The following NRG1 variants were observed in gnomAD, a reference collection of about 807,000 sequenced individuals.
NRG1 encodes pro-neuregulin-1, membrane-bound isoform.
NRG1 carries 18 observed loss-of-function variants against 63.8 expected under a neutral mutation model. The observed-to-expected ratio is 0.28, with a 90% CI of 0.19 to 0.42. NRG1 has a LOEUF of 0.42. Ranked by LOEUF, NRG1 falls within the 10% of genes least tolerant of loss-of-function variation. The pLI is 1.00. For synonymous variants in NRG1, 302 were observed against 301.3 expected (o/e 1.00, Z -0.02); for missense variants, 762 against 814.7 (o/e 0.94, Z 0.79).
chr8:32,725,818 T>G (rs773795844), intron 5 of NRG1, among the ~76,000 whole-genome samples: 18 of 152,056 alleles, frequency 1.2e-4, no homozygotes, highest in Admixed American at 2.0e-4. Context: ...ATGAAAATAT[T>G]AATACATAGC....
intron 1 of NRG1, among the ~76,000 whole-genome samples, chr8:32,446,843 G>A (rs1820308415): frequency 6.6e-6 from 1 of 152,002 alleles, no homozygotes; most frequent in Admixed American, 6.6e-5. Context: ...TCCATGCAAA[G>A]CTTCTCCACA....
chr8:32,616,397 A>G (rs1481560788), intron 4 of NRG1, among the ~76,000 whole-genome samples: 1 of 151,994 alleles, frequency 6.6e-6, no homozygotes, highest in African/African-American at 2.4e-5. Flanking sequence ...AATACTCTCA[A>G]TCTTGTTTGT....
At chr8:32,378,772 C>T in intron 1 of NRG1, among the ~76,000 whole-genome samples, 1 of 145,860 alleles carries the variant, frequency 6.9e-6, no homozygotes, top group Non-Finnish European at 1.5e-5. Flanking sequence ...CTCCCCCGTC[C>T]CCCAACCCCA....
chr8:32,717,963 G>T (rs961280373), intron 5 of NRG1, among the ~76,000 whole-genome samples: 24 of 152,296 alleles, frequency 1.6e-4, no homozygotes, highest in East Asian at 5.8e-4. Flanking sequence ...ATTTCCTGGA[G>T]TGAAGATGCT....
rs71208175 is a variant in NRG1, at chr8:32,366,677, GTATATATATATA to G, written c.38-229125_38-229114del. 7.6e-3 allele frequency among the ~76,000 whole-genome samples: 663 copies of G among 87,462 alleles called. 13 individuals are homozygous for G. The highest frequency in any genetic ancestry group is 0.016 in the African/African-American group (354 of 21,594). 57.4% of individuals were successfully genotyped at this position (87,462 alleles called of 152,430 possible). ...ATTGTGTGTGTGTGTGTGTGTGTGT[GTATATATATATA>G]TATATATATATATATATATATATAT... On this transcript the variant is annotated intron_variant, in intron 1 of 10. Transcript: ENST00000519301.
At chr8:32,267,314 C>T (rs757541492) in intron 1 of NRG1, among the ~76,000 whole-genome samples, 64 of 152,226 alleles carry the variant, frequency 4.2e-4, no homozygotes, top group Non-Finnish European at 9.3e-4. Flanking sequence ...TAATGTAGTG[C>T]GAGCAAGGCC....
chr8:31,644,099 G>T (rs542622585), intron 1 of NRG1, among the ~76,000 whole-genome samples: 1 of 152,072 alleles, frequency 6.6e-6, no homozygotes, highest in East Asian at 1.9e-4. Context: ...GAAAATGAAA[G>T]AAAATGCTGC....
chr8:31,909,003 A>G (rs1832735766), intron 1 of NRG1, among the ~76,000 whole-genome samples: 1 of 152,150 alleles, frequency 6.6e-6, no homozygotes, highest in South Asian at 2.1e-4. Flanking sequence ...GCCTAGTAGA[A>G]ACAATAAACA....
intron 1 of NRG1, among the ~76,000 whole-genome samples, chr8:32,215,011 AG>A (rs1244583225): frequency 6.6e-6 from 1 of 152,234 alleles, no homozygotes; most frequent in African/African-American, 2.4e-5. Context: ...CCCTTAGGAC[AG>A]GGTTGCCTGA....
chr8:32,036,307 C>T (rs572148034), intron 1 of NRG1, among the ~76,000 whole-genome samples: 1 of 150,750 alleles, frequency 6.6e-6, no homozygotes, highest in African/African-American at 2.4e-5. Flanking sequence ...TGCTGTTAGT[C>T]TGATGGGCTT....
At position 32,743,982 on chromosome 8, in the gene NRG1, A is replaced by G. The variant is rs565171245; in HGVS notation, c.691+1249A>G. On this transcript the variant is annotated intron_variant, in intron 7 of 11. Coordinates refer to ENST00000356819, the Ensembl canonical transcript of NRG1. ...CATGGGTGTGTTCCATTAAATCTTT[A>G]TTTACAAAAGCAGACAGTGGGCTGG... 5.9e-5 allele frequency among the ~76,000 whole-genome samples: 9 copies of G among 152,160 alleles called. No homozygotes were observed. In the East Asian group the frequency reaches 1.7e-3, roughly 30 times the overall value.
chr8:31,749,428 G>A (rs1586131641), intron 1 of NRG1, among the ~76,000 whole-genome samples: 1 of 151,730 alleles, frequency 6.6e-6, no homozygotes, highest in South Asian at 2.1e-4. Flanking sequence ...TAATTAGTAG[G>A]ATTCTAAGCA....
intron 5 of NRG1, among the ~76,000 whole-genome samples, chr8:32,630,546 G>A (rs1850081398): frequency 6.6e-6 from 1 of 152,184 alleles, no homozygotes; most frequent in Non-Finnish European, 1.5e-5. Context: ...CATGTGATAT[G>A]TAGCCTCAGC....
intron 1 of NRG1, among the ~76,000 whole-genome samples, chr8:32,134,985 C>A (rs1835322304): frequency 6.6e-6 from 1 of 152,146 alleles, no homozygotes; most frequent in African/African-American, 2.4e-5. Context: ...AAAGTGAGAT[C>A]TGAATGACAG....
At chr8:32,563,494 T>C (rs1213403545) in intron 1 of NRG1, among the ~76,000 whole-genome samples, 4 of 152,200 alleles carry the variant, frequency 2.6e-5, no homozygotes, top group Non-Finnish European at 4.4e-5. Context: ...CAGAAGCCTT[T>C]TATTAAATTC....
exon 1 of NRG1, chr8:32,548,713 C>T (rs1833449112): frequency 6.4e-7 from 1 of 1,569,536 alleles, no homozygotes; most frequent in Admixed American, 1.9e-5. Flanking sequence ...GTAGAGCGCT[C>T]CGTCTCCGGC....
intron 1 of NRG1, among the ~76,000 whole-genome samples, chr8:32,214,904 TTA>T (rs1845057575): frequency 6.6e-6 from 1 of 152,130 alleles, no homozygotes; most frequent in Non-Finnish European, 1.5e-5. Flanking sequence ...TGCATGGAAA[TTA>T]TGAGTTTAGG....
intron 1 of NRG1, among the ~76,000 whole-genome samples, chr8:31,872,919 C>T (rs1217997639): frequency 7.9e-5 from 12 of 152,200 alleles, no homozygotes; most frequent in African/African-American, 2.9e-4. Flanking sequence ...AATTCTCTCC[C>T]TTTCCTATTC....
chr8:32,575,188 C>T (rs1446908839), intron 1 of NRG1, among the ~76,000 whole-genome samples: 1 of 152,156 alleles, frequency 6.6e-6, no homozygotes, highest in African/African-American at 2.4e-5. Flanking sequence ...TGGACATACC[C>T]CTCTGGCATA....
Sources: allele counts gnomAD v4.1 joint callset (sites outside exome capture counted in the v4.1 genomes callset), GRCh38; gene constraint gnomAD v4.1.1; transcripts MANE v1.5; gene names NCBI Gene and HGNC (gene_info 2026-07-23, HGNC 2026-07-21).